ASTN2: variants seen among roughly 807,000 people sequenced by gnomAD.
ASTN2 encodes astrotactin 2.
ASTN2 carries 54 observed loss-of-function variants against 139.8 expected under a neutral mutation model. That is an observed-to-expected ratio of 0.39 (90% confidence interval 0.31 to 0.48). The LOEUF is 0.48. Ranked by LOEUF, ASTN2 falls within the 20% of genes least tolerant of loss-of-function variation. ASTN2 has a pLI of 0.95. For missense variants in ASTN2, 1,565 were observed against 1,725.1 expected, an observed-to-expected ratio of 0.91 and a Z score of 1.64; for synonymous variants, 756 against 719.5, an observed-to-expected ratio of 1.05 and a Z score of -0.81.
chr9:116,774,535 T>G (rs1830033266), intron 13 of ASTN2, among the ~76,000 whole-genome samples: 1 of 152,140 alleles, frequency 6.6e-6, no homozygotes, highest in Admixed American at 6.5e-5. Flanking sequence ...TTTAATCCTC[T>G]TATCAGATTA....
chr9:117,076,558 G>A (rs1048714177), intron 5 of ASTN2, among the ~76,000 whole-genome samples: 1 of 152,176 alleles, frequency 6.6e-6, no homozygotes, highest in Admixed American at 6.5e-5. Context: ...GTTTTCAGAC[G>A]TGTGTGGTAG....
At chr9:116,947,248 G>T (rs904446158) in intron 10 of ASTN2, among the ~76,000 whole-genome samples, 7 of 152,168 alleles carry the variant, frequency 4.6e-5, no homozygotes, top group Non-Finnish European at 8.8e-5. Flanking sequence ...CTTACTGAGT[G>T]AAATGGGATT....
intron 17 of ASTN2, among the ~76,000 whole-genome samples, chr9:116,635,054 G>T (rs936930862): frequency 1.3e-5 from 2 of 152,186 alleles, no homozygotes; most frequent in Admixed American, 1.3e-4. Context: ...TACATGCATA[G>T]TCTTATTTAA....
intron 5 of ASTN2, among the ~76,000 whole-genome samples, chr9:117,063,843 T>A (rs1839370263): frequency 6.6e-6 from 1 of 152,014 alleles, no homozygotes; most frequent in African/African-American, 2.4e-5. Flanking sequence ...TAGCAAAACC[T>A]TACTGGGGTG....
At chr9:117,230,302 G>A (rs1484949905) in intron 2 of ASTN2, among the ~76,000 whole-genome samples, 3 of 152,028 alleles carry the variant, frequency 2.0e-5, no homozygotes, top group Admixed American at 2.0e-4. Context: ...CCCTCCAAAG[G>A]CTCTACAGGA....
chr9:116,484,017 C>T (rs557296839), intron 20 of ASTN2, among the ~76,000 whole-genome samples: 4 of 152,266 alleles, frequency 2.6e-5, no homozygotes, highest in Admixed American at 2.6e-4. Flanking sequence ...CTTCTGAGAC[C>T]TCTCTCCTCT....
intron 10 of ASTN2, among the ~76,000 whole-genome samples, chr9:116,907,693 A>T (rs557704975): frequency 3.4e-4 from 52 of 152,338 alleles, no homozygotes; most frequent in South Asian, 1.7e-3. Flanking sequence ...GCTATGTAAG[A>T]GCAAGATCAT....
chr9:117,217,810 A>T (rs1159225872), intron 2 of ASTN2, among the ~76,000 whole-genome samples: 2 of 152,228 alleles, frequency 1.3e-5, no homozygotes, highest in Non-Finnish European at 2.9e-5. Flanking sequence ...GAATAAAGGA[A>T]TGAATGAAGG....
At chr9:117,364,958 C>A (rs1359446558) in intron 1 of ASTN2, among the ~76,000 whole-genome samples, 1 of 125,614 alleles carries the variant, frequency 8.0e-6, no homozygotes, top group Non-Finnish European at 1.8e-5. Flanking sequence ...ACAACACACA[C>A]ACACACACAC....
chr9:116,904,260 A>T (rs1834098027), intron 10 of ASTN2, among the ~76,000 whole-genome samples: 1 of 152,174 alleles, frequency 6.6e-6, no homozygotes, highest in South Asian at 2.1e-4. Flanking sequence ...ACACAGGAGC[A>T]TCAGGGGTTA....
chr9:117,269,217 G>T (rs558547210), intron 2 of ASTN2, among the ~76,000 whole-genome samples: 1 of 152,306 alleles, frequency 6.6e-6, no homozygotes, highest in East Asian at 1.9e-4. Context: ...CTAGACCACG[G>T]AGTGTGGCAT....
At chr9:117,306,144 C>A (rs907646570) in intron 1 of ASTN2, among the ~76,000 whole-genome samples, 29 of 152,190 alleles carry the variant, frequency 1.9e-4, no homozygotes, top group Admixed American at 1.7e-3. Flanking sequence ...AATTGTCACA[C>A]CTCCCTCTGG....
chr9:116,846,331 GATAA>G (rs1305741603), intron 11 of ASTN2, among the ~76,000 whole-genome samples: 28 of 152,218 alleles, frequency 1.8e-4, no homozygotes, highest in African/African-American at 6.5e-4. Context: ...TGCTTAAGGA[GATAA>G]ATTTTATGTT....
intron 1 of ASTN2, among the ~76,000 whole-genome samples, chr9:117,343,559 A>C (rs774459788): frequency 6.6e-6 from 1 of 152,230 alleles, no homozygotes; most frequent in Non-Finnish European, 1.5e-5. Flanking sequence ...ATAATGTCAT[A>C]GAATTCTCAC....
chr9:116,463,191 C>T (rs933207257), intron 20 of ASTN2, among the ~76,000 whole-genome samples: 33 of 152,072 alleles, frequency 2.2e-4, no homozygotes, highest in African/African-American at 6.8e-4. Flanking sequence ...ATTTCTCACC[C>T]GGCCAATTAG....
intron 6 of ASTN2, among the ~76,000 whole-genome samples, chr9:117,033,763 T>C (rs1244809087): frequency 1.3e-5 from 2 of 152,246 alleles, no homozygotes; most frequent in East Asian, 1.9e-4. Context: ...ACGTCATCTA[T>C]GTGTTAATCT....
rs1488506468 is a variant in ASTN2 at position 116,426,000 on chromosome 9, C to T, written c.3871G>A (p.Glu1291Lys). Residue 1291 changes from glutamate (E) to lysine (K), a missense_variant, in exon 23 of 23, where the codon GAA (glutamate) becomes AAA (lysine). Glu to Lys is a moderately conservative substitution (Grantham distance 56, BLOSUM62 1). Around this residue, in one of 4 missense-constraint regions of ASTN2, gnomAD observed 418 missense variants for 465.8 expected, o/e 0.90. Transcript: ENST00000313400. ...CGGCAGAAAAGATAGGGCACTGTTT[C>T]CACGCGGCTCTGGATGTAGGCACTC... ...LRSAYIQSRV[E>K]TVPYLFCRSE... is the part of the protein sequence containing the mutation. 6.2e-7 allele frequency: 1 copy of T among 1,614,144 alleles called. No homozygotes were observed. Among genetic ancestry groups the T allele is most frequent in the South Asian group, 1.1e-5 (1 of 91,078 alleles).
At chr9:116,606,101 G>A (rs1855183425) in intron 19 of ASTN2, among the ~76,000 whole-genome samples, 1 of 152,132 alleles carries the variant, frequency 6.6e-6, no homozygotes, top group Admixed American at 6.5e-5. Flanking sequence ...TTGTTCTGAT[G>A]AGGCCATGAG....
chr9:116,951,946 C>G, intron 10 of ASTN2, among the ~76,000 whole-genome samples: 1 of 152,194 alleles, frequency 6.6e-6, no homozygotes, highest in Admixed American at 6.5e-5. Context: ...ATCAGAGTAA[C>G]TTGAGTAATG....
Sources: allele counts gnomAD v4.1 joint callset (sites outside exome capture counted in the v4.1 genomes callset), GRCh38; gene constraint gnomAD v4.1.1; regional missense constraint gnomAD v4.1.1; transcripts MANE v1.5; gene names NCBI Gene and HGNC (gene_info 2026-07-23, HGNC 2026-07-21).